The following CROCC variants were observed in gnomAD, a reference collection of about 807,000 sequenced individuals.
The protein encoded by CROCC is ciliary rootlet coiled-coil, rootletin, also known as rootletin.
CROCC carries 180 observed loss-of-function variants against 245.2 expected under a neutral mutation model. That is an observed-to-expected ratio of 0.73 (90% CI 0.65 to 0.83). The LOEUF is 0.83. Among genes scored for constraint, CROCC ranks in the 40% least tolerant of loss-of-function variants. The pLI is 0.00. For synonymous variants in CROCC, 1,205 were observed against 1,241.6 expected, an observed-to-expected ratio of 0.97 and a Z score of 0.62; for missense variants, 2,688 against 2,779.4, an observed-to-expected ratio of 0.97 and a Z score of 0.74.
At chr1:16,968,992 A>T in intron 31 of CROCC, 124 bp from the exon 32 acceptor site, 1 of 951,492 alleles carries the variant, frequency 1.1e-6, no homozygotes, top group Non-Finnish European at 1.7e-6. Flanking sequence ...GGTCTCAATG[A>T]TGGAGGCCCA....
chr1:16,946,932 G>A lies in CROCC; in HGVS notation c.2455G>A (p.Glu819Lys). ...RVAEQAQEAL[E>K]QQLPTLRHER... ...GGCGGAGCAGGCCCAGGAGGCATTG[G>A]AGCAGCAGCTCCCCACGCTGCGCCA... is the stretch of plus-strand genomic sequence containing the variant. Residue 819 changes from glutamate to lysine, a missense_variant, in exon 17 of 37, where the codon GAG becomes AAG. Glu to Lys is a moderately conservative substitution (Grantham distance 56). This residue lies in a region of CROCC where 295 missense variants were observed against 241.7 expected (regional missense o/e 1.22). Coordinates refer to ENST00000375541, the MANE Select transcript of CROCC (RefSeq NM_014675.5). 1 of 1,563,006 alleles carries A rather than the reference G, an allele frequency of 6.4e-7. No homozygotes were observed. The highest frequency in any genetic ancestry group is 8.7e-7 in the Non-Finnish European group (1 of 1,154,256).
intron 12 of CROCC, among the ~76,000 whole-genome samples, 167 bp from the exon 13 acceptor site, chr1:16,939,727 A>C (rs1183928789): frequency 3.9e-5 from 6 of 152,274 alleles, no homozygotes; most frequent in African/African-American, 1.4e-4. Flanking sequence ...ATAGGAGGGG[A>C]GCGGAAGCCT....
Position 16,954,426 on chromosome 1 carries a change from C to G in CROCC, c.3321+69C>G. On this transcript the variant is annotated intron_variant, in intron 22 of 36. Transcript: ENST00000375541. This position sits in a 1 kb window ranked among gnomAD's most constrained non-coding sequence, Gnocchi z 4.4. ...ACATCCCTGGCTGAGGAGCCCCCAC[C>G]ACGGGGCGGCATGGCCCTGTCCTGG... The G allele has an allele frequency of 6.5e-7, 1 of 1,547,134 alleles. No individual in the cohort carries two copies. Among genetic ancestry groups the G allele is most frequent in the Non-Finnish European group, 8.8e-7 (1 of 1,140,616 alleles).
At chr1:16,936,591 T>A in intron 8 of CROCC, 46 bp from the exon 9 acceptor site, 2 of 1,504,774 alleles carry the variant, frequency 1.3e-6, no homozygotes, top group Non-Finnish European at 1.8e-6. Flanking sequence ...TAATTTGTAG[T>A]TGGGAGCAAG....
intron 35 of CROCC, chr1:16,971,067 C>A: frequency 2.3e-6 from 1 of 441,614 alleles, no homozygotes; most frequent in South Asian, 5.6e-5. Flanking sequence ...CATGGTGTGG[C>A]GTGTCTAGGT....
At position 16,959,514 on chromosome 1, in the gene CROCC, T is replaced by C. The variant is rs569920529; in HGVS notation, c.4032+764T>C. On this transcript the variant is annotated intron_variant, in intron 26 of 36. Transcript: ENST00000375541. ...TCATCTCTGTGCCTCAGAGCGCTCA[T>C]GAGAGATGGGCTAGCACAGCCGAGC... Among the ~76,000 whole-genome samples, 98 of 152,276 alleles carry C rather than the reference T, an allele frequency of 6.4e-4. 1 individual carries two copies. Among genetic ancestry groups the C allele is most frequent in the Admixed American group, 7.2e-4 (11 of 15,302 alleles).
At position 16,953,293 on chromosome 1, in the gene CROCC, GC is replaced by G; in HGVS notation, c.3007-4del. The G allele has an allele frequency of 2.5e-6, 4 of 1,572,608 alleles. No homozygotes were observed. The highest frequency in any genetic ancestry group is 2.6e-6 in the Non-Finnish European group (3 of 1,161,422). ...GGTGTGTCACAGGCATCCGGTCCTG[GC>G]CCCCTAGGAGGCAGCATGGCGGGAG... On this transcript the variant is annotated splice_region_variant and splice_polypyrimidine_tract_variant and intron_variant, in intron 20 of 36. Transcript: ENST00000375541.
chr1:16,954,499 GCC>G lies in CROCC; in HGVS notation c.3321+146_3321+147del. The stretch of plus-strand genomic sequence containing the variant: ...AGGAGGTTTAGCCCTTCTTTTGGGA[GCC>G]CCCATCTGAGGGAGGTGGCTCAGCC... On this transcript the variant is annotated intron_variant, in intron 22 of 36. Coordinates refer to ENST00000375541, the MANE Select transcript of CROCC (RefSeq NM_014675.5). The surrounding 1 kb of genome is among the most constrained non-coding windows in gnomAD (Gnocchi z 4.4). The G allele has an allele frequency of 7.8e-7, 1 of 1,289,552 alleles. No individual in the cohort carries two copies. Among genetic ancestry groups the G allele is most frequent in the Non-Finnish European group, 1.0e-6 (1 of 954,224 alleles). The allele number at this position is 1,289,552 out of a possible 1,614,324, so 79.9% of individuals were successfully genotyped here.
rs528127312 is a variant in CROCC, at chr1:16,931,215, C to T, written c.850-76C>T. ...GAACGACGGTGCCTCCCAGGATGGT[C>T]GGAGATGAGGGAAGCAGTGGGAGGG... On this transcript the variant is annotated intron_variant, in intron 7 of 36. Transcript: ENST00000375541. 3.7e-5 allele frequency: 49 copies of T among 1,307,914 alleles called. No individual in the cohort carries two copies. The African/African-American group carries it at 5.0e-4, about 13-fold the overall frequency. 81.0% of individuals were successfully genotyped at this position (1,307,914 alleles called of 1,614,324 possible).
At chr1:16,969,666 A>G in intron 32 of CROCC, 119 bp from the exon 33 acceptor site, 3 of 1,419,324 alleles carry the variant, frequency 2.1e-6, no homozygotes, top group Non-Finnish European at 2.8e-6. Context: ...TGTGCACCCC[A>G]CCCTCCAGGT....
chr1:16,962,126 G>A (rs113756816), intron 27 of CROCC, among the ~76,000 whole-genome samples: 4 of 151,078 alleles, frequency 2.6e-5, no homozygotes, highest in Middle Eastern at 3.5e-3. Flanking sequence ...GCAGTAGCAC[G>A]ATCTCGGCTC....
Position 16,966,559 on chromosome 1 carries a change from C to A in CROCC, c.4848C>A (p.Leu1616=). Residue 1616 remains leucine, a synonymous_variant, in exon 30 of 37, where the codon CTC becomes CTA. Coordinates refer to ENST00000375541, the MANE Select transcript of CROCC (RefSeq NM_014675.5). The surrounding 1 kb of genome is among the most constrained non-coding windows in gnomAD (Gnocchi z 4.8). ...GCCTGCAGGCCACCGAGAGCGAGCT[C>A]CGGGCCAGCCAGGTGGGCAGGAGCT... The part of the protein sequence containing the change: ...ERSLQATESE[L]RASQEKISKM... 6.7e-7 allele frequency: 1 copy of A among 1,483,324 alleles called. No homozygotes were observed. Among genetic ancestry groups the A allele is most frequent in the Non-Finnish European group, 8.9e-7 (1 of 1,119,846 alleles). 91.9% of individuals were successfully genotyped at this position (1,483,324 alleles called of 1,614,324 possible).
chr1:16,924,988 A>T (rs2075500586), intron 3 of CROCC, among the ~76,000 whole-genome samples: 1 of 152,278 alleles, frequency 6.6e-6, no homozygotes. Context: ...AAGGAAGGAG[A>T]AGCAGGCCTG....
At chr1:16,965,633 G>A in intron 27 of CROCC, 90 bp from the exon 28 acceptor site, 3 of 950,818 alleles carry the variant, frequency 3.2e-6, no homozygotes, top group African/African-American at 1.6e-5. Flanking sequence ...GATTCTGAGG[G>A]CTGTTGGGAA....
chr1:16,961,580 AT>A (rs1028144716), intron 27 of CROCC, among the ~76,000 whole-genome samples: 2 of 151,444 alleles, frequency 1.3e-5, no homozygotes, highest in African/African-American at 2.4e-5. Flanking sequence ...TAGGCCACTT[AT>A]TTTTTTGGGG....
chr1:16,954,735 G>C lies in CROCC; in HGVS notation c.3323G>C (p.Ser1108Thr). 6.4e-7 allele frequency: 1 copy of C among 1,552,032 alleles called. No individual in the cohort carries two copies. The highest frequency in any genetic ancestry group is 8.7e-7 in the Non-Finnish European group (1 of 1,148,080). ...GTCTGAGGAGCCCCTCTGTCCCAGA[G>C]CACCGTGAACGCTCTGACGTCTGAG... ...DAQSRQEQDR[S>T]TVNALTSELR... is the part of the protein sequence containing the mutation. The change falls in exon 23 of 37, where the codon AGC (serine) becomes ACC (threonine). Residue 1108 changes from serine (S) to threonine (T), a missense_variant and splice_region_variant. Transcript: ENST00000375541. This position sits in a 1 kb window ranked among gnomAD's most constrained non-coding sequence, Gnocchi z 4.4.
chr1:16,927,328 G>A (rs1386411945), intron 3 of CROCC, among the ~76,000 whole-genome samples: 1 of 152,228 alleles, frequency 6.6e-6, no homozygotes, highest in Non-Finnish European at 1.5e-5. Flanking sequence ...CCTCATGGGT[G>A]CACACGGACA....
chr1:16,949,020 G>A, intron 19 of CROCC, 94 bp downstream of exon 19: 1 of 1,508,506 alleles, frequency 6.6e-7, no homozygotes, highest in South Asian at 1.3e-5. Flanking sequence ...GGGAGCACTG[G>A]AGTAGGAGTC....
intron 26 of CROCC, among the ~76,000 whole-genome samples, chr1:16,960,246 A>G (rs2076308620): frequency 6.6e-6 from 1 of 152,188 alleles, no homozygotes; most frequent in Non-Finnish European, 1.5e-5. Flanking sequence ...AGCCTGGGTG[A>G]CAGAGCTAGA....
Sources: allele counts gnomAD v4.1 joint callset (sites outside exome capture counted in the v4.1 genomes callset), GRCh38; gene constraint gnomAD v4.1.1; regional missense constraint gnomAD v4.1.1; non-coding constraint Gnocchi (gnomAD v3.1); transcripts MANE v1.5; gene names NCBI Gene and HGNC (gene_info 2026-07-23, HGNC 2026-07-21).